DYNC1I2: variants seen among roughly 807,000 people sequenced by gnomAD.
The protein encoded by DYNC1I2 is cytoplasmic dynein 1 intermediate chain 2.
A neutral mutation model predicts 88.6 loss-of-function variants in DYNC1I2; 53 were observed. The observed-to-expected ratio is 0.60, with a 90% CI of 0.48 to 0.75. DYNC1I2 has a LOEUF of 0.75. Ranked by LOEUF, DYNC1I2 falls within the 30% of genes least tolerant of loss-of-function variation. DYNC1I2 has a pLI of 0.00. For synonymous variants in DYNC1I2, 198 were observed against 254.6 expected, an observed-to-expected ratio of 0.78 and a Z score of 2.12; for missense variants, 458 against 766.6, an observed-to-expected ratio of 0.60 and a Z score of 4.75.
intron 15 of DYNC1I2, among the ~76,000 whole-genome samples, chr2:171,733,188 G>A (rs1688744071): frequency 6.6e-6 from 1 of 152,128 alleles, no homozygotes; most frequent in Non-Finnish European, 1.5e-5. Context: ...CCTTCTTATG[G>A]CTTCGTAGTA....
At chr2:171,740,109 T>C (rs1574634458) in intron 15 of DYNC1I2, among the ~76,000 whole-genome samples, 3 of 152,294 alleles carry the variant, frequency 2.0e-5, no homozygotes, top group African/African-American at 7.2e-5. Flanking sequence ...GGTTGGTGTC[T>C]GTCAAGTTGG....
chr2:171,694,949 G>A (rs1024744805), intron 3 of DYNC1I2, among the ~76,000 whole-genome samples: 4 of 152,130 alleles, frequency 2.6e-5, no homozygotes, highest in Non-Finnish European at 5.9e-5. Context: ...TGTCCAAACT[G>A]TATCAATGGC....
chr2:171,739,696 C>CTCTCTCTCTCTCTCTTTTTTTTTTTT (rs1689267774), intron 15 of DYNC1I2, among the ~76,000 whole-genome samples: 1 of 65,038 alleles, frequency 1.5e-5, no homozygotes, highest in African/African-American at 5.7e-5. Context: ...TGACATATCT[C>CTCTCTCTCTCTCTCTTTTTTTTTTTT]TTTTTTTTTT....
chr2:171,707,437 T>G, intron 5 of DYNC1I2, 60 bp downstream of exon 5: 1 of 1,451,220 alleles, frequency 6.9e-7, no homozygotes, highest in Non-Finnish European at 9.4e-7. Flanking sequence ...CCAAATACTG[T>G]TGATACTTTA....
At chr2:171,741,735 A>G (rs1022252133) in intron 15 of DYNC1I2, among the ~76,000 whole-genome samples, 5 of 152,172 alleles carry the variant, frequency 3.3e-5, no homozygotes, top group African/African-American at 7.2e-5. Flanking sequence ...CAACTGAGAA[A>G]TCATTGCTGA....
intron 1 of DYNC1I2, among the ~76,000 whole-genome samples, chr2:171,689,924 CT>C (rs1001455505): frequency 1.3e-5 from 1 of 74,176 alleles, no homozygotes; most frequent in African/African-American, 5.4e-5. Context: ...TGGGGTCTTG[CT>C]TTGTTGCCCA....
In DYNC1I2 at chr2:171,707,271, C is replaced by T; in HGVS notation, c.245-16C>T. ...CCGTGTAGTAACAGCGGATACCTGT[C>T]TATTTCACTATTTAGTCCCTCCTCC... On this transcript the variant is annotated splice_polypyrimidine_tract_variant and intron_variant, in intron 4 of 17. Transcript: ENST00000397119. The T allele has an allele frequency of 6.2e-7, 1 of 1,613,748 alleles. No homozygotes were observed. The highest frequency in any genetic ancestry group is 1.1e-5 in the South Asian group (1 of 91,084).
chr2:171,706,662 C>A, intron 4 of DYNC1I2, 98 bp downstream of exon 4: 1 of 1,094,592 alleles, frequency 9.1e-7, no homozygotes, highest in East Asian at 2.5e-5. Flanking sequence ...TGCCTGTTTG[C>A]ATTTTTCACC....
At chr2:171,718,681 C>T (rs1687693507) in intron 7 of DYNC1I2, among the ~76,000 whole-genome samples, 1 of 152,144 alleles carries the variant, frequency 6.6e-6, no homozygotes, top group Non-Finnish European at 1.5e-5. Flanking sequence ...TATCCGCCCG[C>T]CTGTGCCTCC....
intron 15 of DYNC1I2, among the ~76,000 whole-genome samples, chr2:171,740,049 C>G (rs1298743872): frequency 1.3e-5 from 2 of 152,024 alleles, no homozygotes; most frequent in Non-Finnish European, 2.9e-5. Flanking sequence ...TAAAGTAGGG[C>G]TTGCATCCCT....
intron 7 of DYNC1I2, among the ~76,000 whole-genome samples, chr2:171,724,020 A>G (rs1431317743): frequency 6.6e-6 from 1 of 152,132 alleles, no homozygotes; most frequent in Non-Finnish European, 1.5e-5. Flanking sequence ...TGAAAGGAAA[A>G]ATTTTAACCT....
intron 5 of DYNC1I2, among the ~76,000 whole-genome samples, chr2:171,707,747 C>G (rs1686795177): frequency 6.6e-6 from 1 of 151,938 alleles, no homozygotes; most frequent in Admixed American, 6.6e-5. Flanking sequence ...GCTTGATTCC[C>G]CATTCAGTAA....
intron 5 of DYNC1I2, among the ~76,000 whole-genome samples, chr2:171,709,090 G>A (rs1202306756): frequency 6.6e-6 from 1 of 151,708 alleles, no homozygotes; most frequent in African/African-American, 2.4e-5. Flanking sequence ...TGTTTCCCAA[G>A]ATTAAAAATT....
chr2:171,703,066 G>A (rs1429694541), intron 3 of DYNC1I2, among the ~76,000 whole-genome samples: 8 of 152,064 alleles, frequency 5.3e-5, no homozygotes, highest in Admixed American at 5.2e-4. Context: ...ATGACTTTTT[G>A]TTAGAGATTC....
intron 7 of DYNC1I2, among the ~76,000 whole-genome samples, chr2:171,716,183 A>G (rs1687481779): frequency 6.6e-6 from 1 of 152,124 alleles, no homozygotes; most frequent in South Asian, 2.1e-4. Flanking sequence ...GGGGCCATAT[A>G]TATATTAGAA....
intron 7 of DYNC1I2, among the ~76,000 whole-genome samples, chr2:171,718,252 C>G (rs113959910): frequency 0.01 from 1,589 of 152,246 alleles, 18 homozygotes; most frequent in African/African-American, 0.034. Context: ...GCCACCACAT[C>G]CAGCCAAGAT....
At chr2:171,727,227 GGAGTTT>G (rs1688313585) in intron 11 of DYNC1I2, among the ~76,000 whole-genome samples, 1 of 152,048 alleles carries the variant, frequency 6.6e-6, no homozygotes, top group Non-Finnish European at 1.5e-5. Context: ...TTTCCTACAG[GGAGTTT>G]CCCAGGAACT....
intron 15 of DYNC1I2, among the ~76,000 whole-genome samples, chr2:171,732,765 G>A (rs1468620265): frequency 1.3e-5 from 2 of 152,200 alleles, no homozygotes; most frequent in Non-Finnish European, 2.9e-5. Context: ...ATTTTTAGAT[G>A]TGCTTTCATC....
chr2:171,747,731 A>G (rs200812776), intron 17 of DYNC1I2, 45 bp from the exon 18 acceptor site: 1 of 1,352,598 alleles, frequency 7.4e-7, no homozygotes, highest in Non-Finnish European at 1.0e-6. Flanking sequence ...GGGTAAAATG[A>G]TCTTTTATTT....
Sources: gnomAD v4.1 joint callset for allele counts (sites outside exome capture counted in the v4.1 genomes callset) on GRCh38, gnomAD v4.1.1 for gene constraint, MANE v1.5 for transcripts, NCBI Gene and HGNC (gene_info 2026-07-23, HGNC 2026-07-21) for gene names.